BAIAP2: variants seen among roughly 807,000 people sequenced by gnomAD.
The protein encoded by BAIAP2 is BAR/IMD domain containing adaptor protein 2.
BAIAP2 carries 18 observed loss-of-function variants against 63.0 expected under a neutral mutation model. The ratio of observed to expected loss-of-function variants is 0.29; its 90% CI spans 0.20 to 0.42. BAIAP2 has a LOEUF of 0.42. Among genes scored for constraint, BAIAP2 ranks in the 10% least tolerant of loss-of-function variants. BAIAP2 has a pLI of 1.00. For synonymous variants in BAIAP2, 386 were observed against 307.6 expected (o/e 1.25, Z -2.67); for missense variants, 610 against 734.3 (o/e 0.83, Z 1.96).
At chr17:81,064,621 G>C (rs2051144808) in intron 3 of BAIAP2, among the ~76,000 whole-genome samples, 1 of 152,172 alleles carries the variant, frequency 6.6e-6, no homozygotes, top group Admixed American at 6.5e-5. Flanking sequence ...CTTTAAATGA[G>C]CAGCTGGGGC....
intron 11 of BAIAP2, 103 bp from the exon 12 acceptor site, chr17:81,106,642 T>C: frequency 7.3e-7 from 1 of 1,377,078 alleles, no homozygotes; most frequent in Non-Finnish European, 1.0e-6. Context: ...TCCCCGCATG[T>C]GGCGTGGGCT....
intron 13 of BAIAP2, chr17:81,110,850 C>G: frequency 1.9e-6 from 3 of 1,603,980 alleles, no homozygotes; most frequent in Non-Finnish European, 2.6e-6. Context: ...GGTCCCCCCT[C>G]CTCTGCACCC....
intron 1 of BAIAP2, among the ~76,000 whole-genome samples, chr17:81,051,084 C>T (rs1230458174): frequency 6.6e-6 from 1 of 151,892 alleles, no homozygotes; most frequent in Non-Finnish European, 1.5e-5. Context: ...TGTGGCCTCC[C>T]TGCCCCGGCT....
At chr17:81,074,243 G>A (rs1287199194) in intron 3 of BAIAP2, among the ~76,000 whole-genome samples, 1 of 152,130 alleles carries the variant, frequency 6.6e-6, no homozygotes, top group Non-Finnish European at 1.5e-5. Flanking sequence ...GATGTCTGCA[G>A]TTGAGTCTCA....
chr17:81,037,068 A>C (rs910844026), intron 1 of BAIAP2: 2 of 926,876 alleles, frequency 2.2e-6, no homozygotes, highest in Non-Finnish European at 3.3e-6. Context: ...GCTGTAATTT[A>C]TCTGCAGGTC....
At chr17:81,106,645 C>T (rs967592861) in intron 11 of BAIAP2, 100 bp from the exon 12 acceptor site, 16 of 1,407,232 alleles carry the variant, frequency 1.1e-5, no homozygotes, top group African/African-American at 2.8e-5. Flanking sequence ...CCGCATGTGG[C>T]GTGGGCTAGG....
chr17:81,064,644 C>G (rs1486707666), intron 3 of BAIAP2, among the ~76,000 whole-genome samples: 1 of 152,192 alleles, frequency 6.6e-6, no homozygotes, highest in Non-Finnish European at 1.5e-5. Context: ...CCCCTTTGTT[C>G]TCTCTCCTGG....
chr17:81,048,573 C>T (rs2048183357), intron 1 of BAIAP2, among the ~76,000 whole-genome samples: 1 of 152,272 alleles, frequency 6.6e-6, no homozygotes. Flanking sequence ...GCCCGTAGCA[C>T]TGAATCATAA....
chr17:81,107,266 G>C (rs1019385232), intron 12 of BAIAP2: 1 of 236,322 alleles, frequency 4.2e-6, no homozygotes, highest in African/African-American at 2.3e-5. Flanking sequence ...TTTTGGGAGA[G>C]CCAGGGGGGC....
intron 7 of BAIAP2, among the ~76,000 whole-genome samples, 190 bp from the exon 8 acceptor site, chr17:81,103,312 C>T (rs1425330372): frequency 6.6e-6 from 1 of 152,224 alleles, no homozygotes; most frequent in Admixed American, 6.5e-5. Flanking sequence ...CATCCCCGGC[C>T]CTTTACCGGC....
At chr17:81,098,588 C>T (rs892189380) in intron 6 of BAIAP2, among the ~76,000 whole-genome samples, 2 of 152,206 alleles carry the variant, frequency 1.3e-5, no homozygotes, top group Admixed American at 6.5e-5. Flanking sequence ...GCTCTTAGTA[C>T]CCTCCGTCCT....
intron 3 of BAIAP2, among the ~76,000 whole-genome samples, chr17:81,073,371 C>T (rs1336284788): frequency 1.3e-5 from 2 of 152,156 alleles, no homozygotes; most frequent in Admixed American, 1.3e-4. Context: ...CTGTGCTGCT[C>T]CCCTCACCCT....
chr17:81,070,876 G>A (rs1233896529), intron 3 of BAIAP2, among the ~76,000 whole-genome samples: 1 of 152,224 alleles, frequency 6.6e-6, no homozygotes, highest in Non-Finnish European at 1.5e-5. Flanking sequence ...TGCTGGTCCA[G>A]GGCCCATCCT....
At chr17:81,047,519 T>C (rs888010569) in intron 1 of BAIAP2, among the ~76,000 whole-genome samples, 1 of 152,160 alleles carries the variant, frequency 6.6e-6, no homozygotes, top group Admixed American at 6.5e-5. Flanking sequence ...AGCACACGCA[T>C]GAGTGCACAT....
At chr17:81,102,502 G>A (rs1222574102) in intron 7 of BAIAP2, among the ~76,000 whole-genome samples, 2 of 152,258 alleles carry the variant, frequency 1.3e-5, no homozygotes, top group African/African-American at 2.4e-5. Context: ...TGTGAGGGCA[G>A]CCATGAATGA....
chr17:81,051,543 G>A (rs138875594), intron 1 of BAIAP2, among the ~76,000 whole-genome samples: 485 of 152,330 alleles, frequency 3.2e-3, no homozygotes, highest in African/African-American at 0.011. Context: ...GGGATTACAG[G>A]CGTCTGCCAC....
At chr17:81,061,314 A>G (rs1452842328) in intron 3 of BAIAP2, among the ~76,000 whole-genome samples, 3 of 152,186 alleles carry the variant, frequency 2.0e-5, no homozygotes, top group Non-Finnish European at 4.4e-5. Context: ...CTGTTTGTAC[A>G]ACTTCATCGA....
At chr17:81,079,335 G>A (rs1031415752) in intron 3 of BAIAP2, among the ~76,000 whole-genome samples, 1 of 152,208 alleles carries the variant, frequency 6.6e-6, no homozygotes, top group East Asian at 1.9e-4. Flanking sequence ...CGACCGCCCC[G>A]TCTGAGGTGG....
At chr17:81,080,804 C>T (rs1260749377) in intron 3 of BAIAP2, among the ~76,000 whole-genome samples, 1 of 152,094 alleles carries the variant, frequency 6.6e-6, no homozygotes, top group African/African-American at 2.4e-5. Context: ...ATCACAGAAA[C>T]CTAGGAGTTG....
Sources: allele counts gnomAD v4.1 joint callset (sites outside exome capture counted in the v4.1 genomes callset), GRCh38; gene constraint gnomAD v4.1.1; transcripts MANE v1.5; gene names NCBI Gene and HGNC (gene_info 2026-07-23, HGNC 2026-07-21).